Variants in NENF observed in about 807,000 individuals in gnomAD.
The protein encoded by NENF is neudesin.
NENF carries 6 observed loss-of-function variants against 14.8 expected under a neutral mutation model. The ratio of observed to expected loss-of-function variants is 0.40; its 90% CI spans 0.22 to 0.80. The LOEUF is 0.80. NENF is among the 30% of genes least tolerant of loss of function. NENF has a pLI of 0.34. For missense variants in NENF, 184 were observed against 212.7 expected, an observed-to-expected ratio of 0.87 and a Z score of 0.84; for synonymous variants, 76 against 95.1, an observed-to-expected ratio of 0.80 and a Z score of 1.17.
At position 212,444,461 on chromosome 1, in the gene NENF, C is replaced by T. The variant is rs1350725090; in HGVS notation, c.342+19C>T. 1.3e-6 allele frequency: 2 copies of T among 1,545,582 alleles called. No individual in the cohort carries two copies. Among genetic ancestry groups the T allele is most frequent in the Non-Finnish European group, 1.8e-6 (2 of 1,139,224 alleles). On this transcript the variant is annotated intron_variant, in intron 3 of 3. Transcript: ENST00000366988. ...TGACACTGTGAGCCAGATTATAAGC[C>T]TTTGTAAAATCCTCTACCTCCTTGT... is the stretch of plus-strand genomic sequence containing the variant.
chr1:212,442,511 A>C, intron 1 of NENF, 54 bp from the exon 2 acceptor site: 1 of 1,339,120 alleles, frequency 7.5e-7, no homozygotes, highest in Non-Finnish European at 1.1e-6. Flanking sequence ...ACTAAGTTGC[A>C]CTGGAAGAGC....
In NENF at chr1:212,439,617, G is replaced by A. The variant is rs181192150; in HGVS notation, c.178-2948G>A. Among the ~76,000 whole-genome samples, 135 of 148,378 alleles carry A rather than the reference G, an allele frequency of 9.1e-4. 1 individual carries two copies. Among genetic ancestry groups the A allele is most frequent in the Admixed American group, 3.7e-3 (53 of 14,478 alleles). On this transcript the variant is annotated intron_variant, in intron 1 of 3. Transcript: ENST00000366988. The stretch of plus-strand genomic sequence containing the variant: ...CCAACACATTGAGAGGTCAAGGCAG[G>A]CAGATTACCTGAGGTCAGGAGTTCT...
At chr1:212,439,566 G>A (rs991277260) in intron 1 of NENF, among the ~76,000 whole-genome samples, 3 of 151,034 alleles carry the variant, frequency 2.0e-5, no homozygotes, top group East Asian at 3.9e-4. Flanking sequence ...ATTGTTTGCC[G>A]GGCGTGTTGC....
chr1:212,436,305 G>GTT, intron 1 of NENF, among the ~76,000 whole-genome samples: 1 of 139,068 alleles, frequency 7.2e-6, no homozygotes. Flanking sequence ...TAGCCCATGG[G>GTT]TCTTTTTTTT....
intron 1 of NENF, among the ~76,000 whole-genome samples, chr1:212,437,538 T>G (rs1241620653): frequency 1.3e-5 from 2 of 152,110 alleles, no homozygotes; most frequent in Non-Finnish European, 2.9e-5. Context: ...AAAACCTTCT[T>G]TCTTGGATGA....
chr1:212,441,636 A>G (rs1040699470), intron 1 of NENF, among the ~76,000 whole-genome samples: 1 of 152,132 alleles, frequency 6.6e-6, no homozygotes, highest in Non-Finnish European at 1.5e-5. Context: ...AAGACAAAAA[A>G]TTAGCGGGGC....
At chr1:212,444,280 C>A in intron 2 of NENF, 59 bp from the exon 3 acceptor site, 1 of 1,218,366 alleles carries the variant, frequency 8.2e-7, no homozygotes, top group Non-Finnish European at 1.1e-6. Flanking sequence ...CACGTGCAAG[C>A]TCCTGGTTAC....
chr1:212,441,166 TG>T (rs1662693293), intron 1 of NENF, among the ~76,000 whole-genome samples: 1 of 152,140 alleles, frequency 6.6e-6, no homozygotes, highest in Non-Finnish European at 1.5e-5. Context: ...AGTAGAACGG[TG>T]GGGAAACAGC....
chr1:212,439,941 T>C (rs1478250338), intron 1 of NENF, among the ~76,000 whole-genome samples: 1 of 152,156 alleles, frequency 6.6e-6, no homozygotes, highest in African/African-American at 2.4e-5. Context: ...TATATTTATA[T>C]GGCTGTTTGC....
At position 212,442,626 on chromosome 1, in the gene NENF, G is replaced by T. The variant is rs1277357201; in HGVS notation, c.238+1G>T. The T allele has an allele frequency of 1.2e-6, 2 of 1,612,070 alleles. No individual in the cohort carries two copies. Among genetic ancestry groups the T allele is most frequent in the Non-Finnish European group, 1.7e-6 (2 of 1,178,242 alleles). On this transcript the variant is annotated splice_donor_variant, in intron 2 of 3. Transcript: ENST00000366988. LOFTEE classifies it high-confidence loss of function. ...GTGTTTGATGTCACCTCCGGAAAGGGTAAGTGGTGTGGCATTTTGAATCTT... is the reference window on the plus strand; with the variant it reads ...GTGTTTGATGTCACCTCCGGAAAGGTTAAGTGGTGTGGCATTTTGAATCTT...
At chr1:212,442,442 G>T in intron 1 of NENF, 123 bp from the exon 2 acceptor site, 1 of 764,200 alleles carries the variant, frequency 1.3e-6, no homozygotes, top group Non-Finnish European at 2.3e-6. Context: ...AGGCTTAACA[G>T]AAAGCCTTTG....
rs762680020 is a variant in NENF at position 212,444,365 on chromosome 1, A to G, written c.265A>G (p.Asn89Asp). The G allele has an allele frequency of 6.2e-7, 1 of 1,606,530 alleles. No homozygotes were observed. Among genetic ancestry groups the G allele is most frequent in the South Asian group, 1.1e-5 (1 of 89,890 alleles). The change falls in exon 3 of 4, where the codon AAT (asparagine) becomes GAT (aspartate). Residue 89 changes from asparagine (N) to aspartate (D), a missense_variant. Asn to Asp is a conservative substitution (Grantham distance 23). Coordinates refer to ENST00000366988, the MANE Select transcript of NENF (RefSeq NM_013349.5). ...GTTTTATGGACGAGGAGCCCCCTAC[A>G]ATGCCTTGACGGGGAAGGACTCCAC... ...KEFYGRGAPYNALTGKDSTRG... is the reference protein window; with the variant it reads ...KEFYGRGAPYDALTGKDSTRG...
At position 212,445,826 on chromosome 1, in the gene NENF, C is replaced by G. The variant is rs1169251743; in HGVS notation, c.343-4C>G. On this transcript the variant is annotated splice_region_variant and splice_polypyrimidine_tract_variant and intron_variant, in intron 3 of 3. Transcript: ENST00000366988. ...CCTGTCTTTCTTGGGCTTTTCTCCC[C>G]AAGACGGGTCTCACGGCCAAGGAAC... 6.2e-7 allele frequency: 1 copy of G among 1,614,128 alleles called. No individual in the cohort carries two copies. Among genetic ancestry groups the G allele is most frequent in the South Asian group, 1.1e-5 (1 of 91,066 alleles).
chr1:212,436,307 CT>C (rs71573839), intron 1 of NENF, among the ~76,000 whole-genome samples: 6,069 of 112,554 alleles, frequency 0.054, 71 homozygotes, highest in African/African-American at 0.1. Flanking sequence ...GCCCATGGGT[CT>C]TTTTTTTTTT....
At chr1:212,436,183 A>C (rs1280535591) in intron 1 of NENF, among the ~76,000 whole-genome samples, 2 of 152,162 alleles carry the variant, frequency 1.3e-5, no homozygotes. Flanking sequence ...TAAATGGTTT[A>C]TCATAAGGAT....
chr1:212,442,752 T>TTATTG, intron 2 of NENF, 127 bp downstream of exon 2: 1 of 708,222 alleles, frequency 1.4e-6, no homozygotes, highest in Non-Finnish European at 2.5e-6. Flanking sequence ...TTATTTTATT[T>TTATTG]TATTTTTTGA....
At chr1:212,444,272 C>A in intron 2 of NENF, 67 bp from the exon 3 acceptor site, 3 of 1,074,692 alleles carry the variant, frequency 2.8e-6, no homozygotes, top group Non-Finnish European at 4.0e-6. Flanking sequence ...AGCGCCCCCA[C>A]GTGCAAGCTC....
intron 1 of NENF, among the ~76,000 whole-genome samples, chr1:212,434,088 G>T (rs535189667): frequency 6.6e-5 from 10 of 152,290 alleles, no homozygotes; most frequent in African/African-American, 2.4e-4. Context: ...TTGCATGGGG[G>T]TATCAGAAAC....
At chr1:212,444,518 CGTGTGTGTGTGTGTGTGTGTGT>C (rs57220444) in intron 3 of NENF, 76 bp downstream of exon 3, 158 of 497,500 alleles carry the variant, frequency 3.2e-4, no homozygotes, top group Non-Finnish European at 3.9e-4. Context: ...TTTTTCTTTT[CGTGTGTGTGTGTGTGTGTGTGT>C]GTGTGTGTGT....
Sources: gnomAD v4.1 joint callset for allele counts (sites outside exome capture counted in the v4.1 genomes callset) on GRCh38, gnomAD v4.1.1 for gene constraint, MANE v1.5 for transcripts, NCBI Gene and HGNC (gene_info 2026-07-23, HGNC 2026-07-21) for gene names.